Variants in CEP43 observed in about 807,000 individuals in gnomAD.
CEP43 encodes FGFR1 oncogene partner.
A neutral mutation model predicts 52.6 loss-of-function variants in CEP43; 36 were observed. The ratio of observed to expected loss-of-function variants is 0.68; its 90% CI spans 0.52 to 0.90. The LOEUF (loss-of-function observed/expected upper bound fraction) is 0.90, where lower values mean the gene tolerates loss of function less well. Among genes scored for constraint, CEP43 ranks in the 40% least tolerant of loss-of-function variants. The pLI is 0.00. For synonymous variants in CEP43, 192 were observed against 172.4 expected (o/e 1.11, Z -0.89); for missense variants, 506 against 472.8 (o/e 1.07, Z -0.65).
intron 5 of CEP43, among the ~76,000 whole-genome samples, chr6:167,005,191 A>G (rs929975424): frequency 1.3e-5 from 2 of 152,184 alleles, no homozygotes; most frequent in African/African-American, 4.8e-5. Flanking sequence ...GATGTTTTCT[A>G]TTAGAATTTT....
intron 5 of CEP43, among the ~76,000 whole-genome samples, chr6:167,008,511 C>A (rs892106922): frequency 2.0e-5 from 3 of 152,038 alleles, no homozygotes; most frequent in Non-Finnish European, 4.4e-5. Flanking sequence ...GTTGCCCAGG[C>A]TGGAGTGCAG....
rs547116277 is a variant in CEP43 at position 167,051,275 on chromosome 6, C to G, written c.*11297C>G. ...TAGGTGGTAATCTTTACACCTATAT[C>G]TTAGTAGAATTCAGGCCCCTCACTT... On this transcript the variant is annotated 3_prime_UTR_variant, in exon 13 of 13. Transcript: ENST00000366847. The G allele has an allele frequency of 6.6e-6, 1 of 152,316 alleles. No individual in the cohort carries two copies. The highest frequency in any genetic ancestry group is 2.1e-4 in the South Asian group (1 of 4,830). 9.4% of individuals were successfully genotyped at this position (152,316 alleles called of 1,614,324 possible). A position where few individuals can be genotyped will look rare whatever the true frequency, so the allele number is the denominator to read the frequency against.
At chr6:167,017,571 G>C (rs1021562177) in intron 7 of CEP43, among the ~76,000 whole-genome samples, 1 of 149,886 alleles carries the variant, frequency 6.7e-6, no homozygotes. Context: ...TACATGAACA[G>C]TTTGGAAAAA....
intron 12 of CEP43, among the ~76,000 whole-genome samples, chr6:167,035,442 T>C (rs1242849900): frequency 6.6e-6 from 1 of 152,024 alleles, no homozygotes; most frequent in Non-Finnish European, 1.5e-5. Context: ...GGGCTGGGGA[T>C]GTGGGGGTGT....
chr6:167,018,632 C>T lies in CEP43; in HGVS notation c.580-3777C>T, dbSNP rs1780155685. On this transcript the variant is annotated intron_variant, in intron 7 of 12. Transcript: ENST00000366847. ...TTTCGGATCTCCTGACCTCATGATC[C>T]GCCTGCCTCGGCCTCCCAAAGTGCT... is the stretch of plus-strand genomic sequence containing the variant. Among the ~76,000 whole-genome samples, 5 of 152,106 alleles carry T rather than the reference C, an allele frequency of 3.3e-5. No individual in the cohort carries two copies. In the South Asian group the frequency reaches 8.3e-4, roughly 25 times the overall value.
At chr6:167,014,476 AC>A (rs113333815) in intron 7 of CEP43, among the ~76,000 whole-genome samples, 52 of 152,354 alleles carry the variant, frequency 3.4e-4, no homozygotes, top group African/African-American at 1.2e-3. Context: ...CATTATCAGT[AC>A]AGTTTTTACA....
chr6:167,024,499 C>T (rs1395150858), intron 8 of CEP43, among the ~76,000 whole-genome samples: 4 of 151,858 alleles, frequency 2.6e-5, no homozygotes, highest in Non-Finnish European at 4.4e-5. Context: ...AAAAGGGCTT[C>T]CGAAAAAAAT....
In CEP43 at chr6:167,050,795, AAAAAAAAAAG is replaced by A; in HGVS notation, c.*10821_*10830del. ...GACTCAAAAAAGAAAAAAAAAAAAA[AAAAAAAAAAG>A]AAAGAAAATGAGACATTGGATTTGT... is the stretch of plus-strand genomic sequence containing the variant. On this transcript the variant is annotated 3_prime_UTR_variant, in exon 13 of 13. Transcript: ENST00000366847. 1 of 151,830 alleles carries A rather than the reference AAAAAAAAAAG, an allele frequency of 6.6e-6. No homozygotes were observed. The highest frequency in any genetic ancestry group is 1.5e-5 in the Non-Finnish European group (1 of 67,978). The allele number at this position is 151,830 out of a possible 1,614,324, so 9.4% of individuals were successfully genotyped here.
chr6:167,028,361 C>T, intron 10 of CEP43: 1 of 985,306 alleles, frequency 1.0e-6, no homozygotes, highest in Non-Finnish European at 1.2e-6. Context: ...TCCTTCACTT[C>T]ACTTTGTCTT....
At chr6:167,010,155 G>T (rs760603250) in intron 5 of CEP43, among the ~76,000 whole-genome samples, 95 of 152,320 alleles carry the variant, frequency 6.2e-4, no homozygotes, top group South Asian at 1.2e-3. Context: ...TAGAGCTTGT[G>T]CTGGTAGTGG....
intron 8 of CEP43, among the ~76,000 whole-genome samples, chr6:167,023,539 G>GAA (rs1318064784): frequency 6.6e-6 from 1 of 152,194 alleles, no homozygotes; most frequent in Non-Finnish European, 1.5e-5. Flanking sequence ...ATTGCTAGTG[G>GAA]AAATCCAAAG....
Position 167,003,709 on chromosome 6 carries a change from C to T in CEP43, c.212-14C>T. On this transcript the variant is annotated splice_polypyrimidine_tract_variant and intron_variant, in intron 3 of 12. Transcript: ENST00000366847. ...TGAAGATTTGCTTACTTACCTTTTT[C>T]TTGATCTTTATAGGTCGTTTAGTGG... The T allele has an allele frequency of 6.4e-7, 1 of 1,565,146 alleles. No homozygotes were observed. Among genetic ancestry groups the T allele is most frequent in the South Asian group, 1.1e-5 (1 of 87,412 alleles).
Position 167,004,332 on chromosome 6 carries a change from G to A in CEP43, c.369G>A (p.Val123=). Residue 123 remains valine (V), a synonymous_variant, in exon 5 of 13, where the codon GTG becomes GTA. Coordinates refer to ENST00000366847, the MANE Select transcript of CEP43 (RefSeq NM_007045.4). ...DLGIIEAEGT[V]GGPLLLEVIR... ...GTATAATTGAAGCAGAAGGTACTGT[G>A]GGTGGACCCTTATTATTAGAAGTGA... The A allele has an allele frequency of 6.2e-7, 1 of 1,612,214 alleles. No individual in the cohort carries two copies. Among genetic ancestry groups the A allele is most frequent in the Non-Finnish European group, 8.5e-7 (1 of 1,178,960 alleles).
In CEP43 at chr6:167,042,826, G is replaced by GTGTGTGTGTGTGTGTGTGTGTA. The variant is rs1780727194; in HGVS notation, c.*2861_*2862insGTGTGTGTATGTGTGTGTGTGT. The GTGTGTGTGTGTGTGTGTGTGTA allele has an allele frequency of 6.5e-6, 1 of 153,200 alleles. No homozygotes were observed. The highest frequency in any genetic ancestry group is 1.4e-5 in the Non-Finnish European group (1 of 69,098). The allele number at this position is 153,200 out of a possible 1,614,324, so 9.5% of individuals were successfully genotyped here. On this transcript the variant is annotated 3_prime_UTR_variant, in exon 13 of 13. Transcript: ENST00000366847. Reference sequence around the variant, plus strand: ...GGTCTTGCTTATTTTGTGTGTGTGTGTGTGTGTGTGTGTTTAACTATGAGC... The same window carrying GTGTGTGTGTGTGTGTGTGTGTA: ...GGTCTTGCTTATTTTGTGTGTGTGTGTGTGTGTGTGTGTGTGTGTGTATGTGTGTGTGTGTTTAACTATGAGC...
chr6:167,030,468 G>C (rs955746091), intron 10 of CEP43, among the ~76,000 whole-genome samples: 1 of 152,204 alleles, frequency 6.6e-6, no homozygotes, highest in Non-Finnish European at 1.5e-5. Flanking sequence ...TAACCTTTGA[G>C]GCTACAGTGG....
intron 7 of CEP43, among the ~76,000 whole-genome samples, chr6:167,017,080 C>T (rs2128662065): frequency 6.6e-6 from 1 of 151,668 alleles, no homozygotes; most frequent in South Asian, 2.1e-4. Context: ...ACTGCAAGCT[C>T]CGCCTCCCGG....
intron 7 of CEP43, among the ~76,000 whole-genome samples, chr6:167,015,782 G>A (rs1198403183): frequency 1.3e-5 from 2 of 150,292 alleles, no homozygotes; most frequent in East Asian, 1.9e-4. Context: ...ACATTCATAT[G>A]TATAGTTAGA....
At chr6:167,010,980 G>A (rs1205510399) in intron 6 of CEP43, 87 bp downstream of exon 6, 2 of 702,040 alleles carry the variant, frequency 2.8e-6, no homozygotes, top group African/African-American at 1.8e-5. Flanking sequence ...CTTGTTACAA[G>A]TTGTATTGTT....
At chr6:167,034,477 G>T (rs1261423029) in intron 12 of CEP43, among the ~76,000 whole-genome samples, 1 of 152,184 alleles carries the variant, frequency 6.6e-6, no homozygotes, top group Non-Finnish European at 1.5e-5. Flanking sequence ...CTTTTTATGT[G>T]GGTGGAGAAC....
Sources: gnomAD v4.1 joint callset for allele counts (sites outside exome capture counted in the v4.1 genomes callset) on GRCh38, gnomAD v4.1.1 for gene constraint, MANE v1.5 for transcripts, NCBI Gene and HGNC (gene_info 2026-07-23, HGNC 2026-07-21) for gene names.